COG7: variants seen among roughly 807,000 people sequenced by gnomAD.
COG7 encodes component of oligomeric golgi complex 7, also known as conserved oligomeric Golgi complex subunit 7.
COG7 carries 49 observed loss-of-function variants against 91.5 expected under a neutral mutation model. That is an observed-to-expected ratio of 0.54 (90% CI 0.43 to 0.68). The LOEUF is 0.68. Ranked by LOEUF, COG7 falls within the 30% of genes least tolerant of loss-of-function variation. The pLI is 0.00. For missense variants in COG7, 895 were observed against 961.3 expected, an observed-to-expected ratio of 0.93 and a Z score of 0.91; for synonymous variants, 365 against 388.7, an observed-to-expected ratio of 0.94 and a Z score of 0.72.
intron 8 of COG7, among the ~76,000 whole-genome samples, chr16:23,418,015 C>T (rs1200705164): frequency 4.6e-5 from 7 of 152,178 alleles, no homozygotes. Flanking sequence ...CTCAGTTCCA[C>T]CCCTGGTGCC....
intron 3 of COG7, among the ~76,000 whole-genome samples, chr16:23,443,080 A>G (rs897536434): frequency 2.6e-5 from 4 of 152,144 alleles, no homozygotes; most frequent in African/African-American, 7.2e-5. Flanking sequence ...AAATTAAATT[A>G]AAACAATAAA....
At position 23,444,511 on chromosome 16, in the gene COG7, C is replaced by CTT. The variant is rs11437438; in HGVS notation, c.435+535_435+536dup. On this transcript the variant is annotated intron_variant, in intron 3 of 16. Transcript: ENST00000307149. ...CTGTGCTGGTTTTTCTTTTCTTCTT[C>CTT]TTTTTTTTTTTTTTTTTGAGACAGG... Among the ~76,000 whole-genome samples the CTT allele has an allele frequency of 2.4e-3, 316 of 132,624 alleles. 5 individuals are homozygous for CTT. The highest frequency in any genetic ancestry group is 4.9e-3 in the African/African-American group (173 of 35,550). 87.0% of individuals were successfully genotyped at this position (132,624 alleles called of 152,430 possible).
rs988844734 is a variant in COG7 at position 23,396,086 on chromosome 16, A to C, written c.1887+1960T>G. On this transcript the variant is annotated intron_variant, in intron 14 of 16. Transcript: ENST00000307149. ...TCCCACTGTGAAGGAGGGCTGCCAC[A>C]CCTGTCTCATGGACATGATCTGGCC... is the stretch of plus-strand genomic sequence containing the variant. 2.0e-5 allele frequency among the ~76,000 whole-genome samples: 3 copies of C among 152,062 alleles called. No homozygotes were observed. The South Asian group carries it at 6.2e-4, about 31-fold the overall frequency.
chr16:23,451,171 G>T (rs1165012736), intron 1 of COG7, among the ~76,000 whole-genome samples: 1 of 152,044 alleles, frequency 6.6e-6, no homozygotes, highest in Non-Finnish European at 1.5e-5. Context: ...CCAGCCAGGG[G>T]GAAAGAGCGA....
chr16:23,427,303 G>A (rs1036362413), intron 6 of COG7, among the ~76,000 whole-genome samples: 5 of 151,490 alleles, frequency 3.3e-5, no homozygotes, highest in Non-Finnish European at 7.4e-5. Context: ...GGCGGCTCAC[G>A]CCTGTAATCA....
In COG7 at chr16:23,421,539, A is replaced by T. The variant is rs116522457; in HGVS notation, c.1010-2712T>A. Among the ~76,000 whole-genome samples, 1,002 of 151,958 alleles carry T rather than the reference A, an allele frequency of 6.6e-3. 16 individuals carry two copies. Among genetic ancestry groups the T allele is most frequent in the African/African-American group, 0.023 (966 of 41,542 alleles). The stretch of plus-strand genomic sequence containing the variant: ...AACAGGCTAAAGAATAAGCAATTCA[A>T]AAGAGAAAAGATACTTTTTATCATG... On this transcript the variant is annotated intron_variant, in intron 7 of 16. Transcript: ENST00000307149.
At chr16:23,423,326 C>T (rs192871538) in intron 7 of COG7, among the ~76,000 whole-genome samples, 73 of 152,282 alleles carry the variant, frequency 4.8e-4, no homozygotes, top group African/African-American at 1.5e-3. Flanking sequence ...AAGATCACAC[C>T]GCTGCACTCC....
chr16:23,419,630 T>C (rs1963719044), intron 7 of COG7, among the ~76,000 whole-genome samples: 1 of 149,330 alleles, frequency 6.7e-6, no homozygotes, highest in Non-Finnish European at 1.5e-5. Context: ...GCACCTGTAA[T>C]TCCTGCTACT....
At chr16:23,435,222 C>G (rs890349016) in intron 4 of COG7, among the ~76,000 whole-genome samples, 1 of 152,038 alleles carries the variant, frequency 6.6e-6, no homozygotes, top group Non-Finnish European at 1.5e-5. Context: ...CAAAAATTAG[C>G]TGAGCGTGGT....
Position 23,403,704 on chromosome 16 carries a change from G to A in COG7, c.1793C>T (p.Ser598Leu), listed in dbSNP as rs754431741. ...CAGTGAGAAACTCACGTCCATCTTC[G>A]AAATAAGCAACAGCTGTTGTTTGAT... Reference protein sequence around the residue: ...LRIKQQLLLISKMDSWNTAGI... With the variant: ...LRIKQQLLLILKMDSWNTAGI... The change falls in exon 13 of 17, where the codon TCG becomes TTG. Residue 598 changes from serine to leucine, a missense_variant. Transcript: ENST00000307149. 9.3e-6 allele frequency: 15 copies of A among 1,613,898 alleles called. No individual in the cohort carries two copies. Among genetic ancestry groups the A allele is most frequent in the African/African-American group, 2.7e-5 (2 of 74,904 alleles).
intron 8 of COG7, 72 bp downstream of exon 8, chr16:23,418,628 C>T (rs917054399): frequency 4.7e-6 from 7 of 1,487,536 alleles, no homozygotes; most frequent in African/African-American, 2.8e-5. Flanking sequence ...ACCCCCAGCC[C>T]TCTCCCAGAC....
At chr16:23,410,077 G>A (rs183332401) in intron 11 of COG7, among the ~76,000 whole-genome samples, 4 of 152,312 alleles carry the variant, frequency 2.6e-5, no homozygotes, top group Non-Finnish European at 4.4e-5. Flanking sequence ...CCAAAATTAC[G>A]TGACCCCTGC....
At chr16:23,389,218 C>A in intron 16 of COG7, 132 bp from the exon 17 acceptor site, 1 of 1,060,932 alleles carries the variant, frequency 9.4e-7, no homozygotes, top group Non-Finnish European at 1.4e-6. Context: ...GGGCGCCAAC[C>A]CTGCCCTCAA....
intron 11 of COG7, among the ~76,000 whole-genome samples, chr16:23,407,830 A>G (rs1281336085): frequency 1.3e-5 from 2 of 151,840 alleles, no homozygotes; most frequent in Non-Finnish European, 2.9e-5. Context: ...TCTAGCATAA[A>G]TTTACAAGTT....
At position 23,397,994 on chromosome 16, in the gene COG7, G is replaced by T. The variant is rs115679955; in HGVS notation, c.1887+52C>A. The T allele has an allele frequency of 6.1e-4, 881 of 1,446,954 alleles. 3 individuals carry two copies. In the African/African-American group the frequency reaches 0.011, roughly 18 times the overall value. 89.6% of individuals were successfully genotyped at this position (1,446,954 alleles called of 1,614,324 possible). A position where few individuals can be genotyped will look rare whatever the true frequency, so the allele number is the denominator to read the frequency against. ...TATAAGGGCAAGAATCAAAAGACAA[G>T]GAAGGTCTGAAAGACTTGGACCACC... is the stretch of plus-strand genomic sequence containing the variant. On this transcript the variant is annotated intron_variant, in intron 14 of 16. Transcript: ENST00000307149.
chr16:23,394,093 T>C (rs1483124435), intron 14 of COG7, among the ~76,000 whole-genome samples: 1 of 150,206 alleles, frequency 6.7e-6, no homozygotes, highest in Non-Finnish European at 1.5e-5. Flanking sequence ...TGGATTTGGA[T>C]CTGATTCTCT....
chr16:23,447,586 T>C (rs1964202354), intron 1 of COG7, among the ~76,000 whole-genome samples: 2 of 151,766 alleles, frequency 1.3e-5, no homozygotes, highest in African/African-American at 2.4e-5. Context: ...CAAGACCCTG[T>C]TTCTTAAAAA....
intron 4 of COG7, among the ~76,000 whole-genome samples, chr16:23,438,787 T>C (rs1354976864): frequency 6.6e-6 from 1 of 151,876 alleles, no homozygotes; most frequent in Non-Finnish European, 1.5e-5. Context: ...GGAACCCTTG[T>C]GCATTGCTGG....
In COG7 at chr16:23,442,583, A is replaced by G. The variant is rs950213486; in HGVS notation, c.498T>C (p.Asp166=). 1.2e-6 allele frequency: 2 copies of G among 1,614,018 alleles called. No homozygotes were observed. The highest frequency in any genetic ancestry group is 4.5e-5 in the East Asian group (2 of 44,898). ...CACACTTTTCTGAGTAGTCTGGTGT[A>G]TCAACAAGCATCATTAAGCTGTTCT... is the stretch of plus-strand genomic sequence containing the variant. ...GMQNSLMMLV[D]TPDYSEKCVH... Residue 166 remains aspartate (D), a synonymous_variant, in exon 4 of 17, where the codon GAT becomes GAC. Transcript: ENST00000307149.
Sources: gnomAD v4.1 joint callset for allele counts (sites outside exome capture counted in the v4.1 genomes callset) on GRCh38, gnomAD v4.1.1 for gene constraint, MANE v1.5 for transcripts, NCBI Gene and HGNC (gene_info 2026-07-23, HGNC 2026-07-21) for gene names.